The following MAK variants were observed in gnomAD, a reference collection of about 807,000 sequenced individuals.
MAK encodes the protein male germ cell associated kinase, also known as serine/threonine-protein kinase MAK.
MAK carries 65 observed loss-of-function variants against 82.6 expected under a neutral mutation model. The observed-to-expected ratio is 0.79, with a 90% CI of 0.64 to 0.97. The LOEUF (loss-of-function observed/expected upper bound fraction) is 0.97, where lower values mean the gene tolerates loss of function less well. Ranked by LOEUF, MAK falls within the 50% of genes least tolerant of loss-of-function variation. MAK has a pLI of 0.00. For missense variants in MAK, 703 were observed against 780.2 expected (o/e 0.90, Z 1.18); for synonymous variants, 250 against 274.2 (o/e 0.91, Z 0.87).
chr6:10,827,190 C>A (rs1431309463), intron 2 of MAK, among the ~76,000 whole-genome samples: 1 of 152,124 alleles, frequency 6.6e-6, no homozygotes, highest in Non-Finnish European at 1.5e-5. Flanking sequence ...AAATGATGGA[C>A]ATTTTGTCAT....
chr6:10,813,848 A>G (rs1477221257), intron 4 of MAK, 125 bp from the exon 5 acceptor site: 3 of 726,824 alleles, frequency 4.1e-6, no homozygotes, highest in Admixed American at 1.9e-5. Flanking sequence ...CCTATGATTT[A>G]TAGATTTATA....
intron 7 of MAK, among the ~76,000 whole-genome samples, chr6:10,802,759 T>A (rs867366898): frequency 6.6e-6 from 1 of 152,176 alleles, no homozygotes; most frequent in South Asian, 2.1e-4. Context: ...ACCCATTGCA[T>A]ACAATGTTAA....
chr6:10,767,883 G>A (rs1021229201), intron 14 of MAK, among the ~76,000 whole-genome samples: 2 of 152,058 alleles, frequency 1.3e-5, no homozygotes, highest in Non-Finnish European at 2.9e-5. Flanking sequence ...AAATAGTTGA[G>A]TAAATATGGT....
At chr6:10,770,321 A>C (rs1772887654) in intron 13 of MAK, 91 bp from the exon 14 acceptor site, 1 of 1,437,080 alleles carries the variant, frequency 7.0e-7, no homozygotes, top group South Asian at 1.2e-5. Flanking sequence ...ACTTCTAAAT[A>C]CTATTTTTCA....
rs778223936 is a variant in MAK at position 10,796,090 on chromosome 6, G to A, written c.1051C>T (p.Gln351Ter). The A allele has an allele frequency of 8.7e-6, 14 of 1,614,070 alleles. No individual in the cohort carries two copies. The highest frequency in any genetic ancestry group is 3.3e-4 in the Middle Eastern group (2 of 6,084). Reference protein sequence around the residue: ...QQPLQPIQPPQNLSVQQPPKQ... With the variant: ...QQPLQPIQPP ...GGAGGTTGCTGGACGCTCAGGTTCT[G>A]TGGCGGCTGAATGGGCTGCAGTGGC... is the stretch of plus-strand genomic sequence containing the variant. Residue 351 changes from glutamine (Q) to a stop codon, truncating the protein, a stop_gained, in exon 9 of 15, where the codon CAG (glutamine) becomes TAG (stop). Coordinates refer to ENST00000354489, the MANE Select transcript of MAK (RefSeq NM_001242957.3). LOFTEE classifies it high-confidence loss of function.
chr6:10,777,426 T>C (rs1482151204), intron 11 of MAK, among the ~76,000 whole-genome samples: 1 of 151,116 alleles, frequency 6.6e-6, no homozygotes, highest in South Asian at 2.1e-4. Context: ...AAAAAAAATG[T>C]ATTTACCCAA....
chr6:10,817,769 C>A (rs2127576486), intron 4 of MAK, 81 bp downstream of exon 4: 1 of 1,144,784 alleles, frequency 8.7e-7, no homozygotes, highest in Non-Finnish European at 1.2e-6. Context: ...ATCAATCTTT[C>A]TCTCATAAAG....
chr6:10,764,961 T>G (rs1772265186), intron 14 of MAK, among the ~76,000 whole-genome samples: 1 of 151,948 alleles, frequency 6.6e-6, no homozygotes, highest in Admixed American at 6.6e-5. Flanking sequence ...CTGAGCGTGG[T>G]GGCGGGTGAC....
chr6:10,799,086 A>C (rs2127552828), intron 8 of MAK, among the ~76,000 whole-genome samples: 1 of 152,140 alleles, frequency 6.6e-6, no homozygotes, highest in Non-Finnish European at 1.5e-5. Context: ...CTGCCTCGGA[A>C]AGTGCTGGGA....
At position 10,796,321 on chromosome 6, in the gene MAK, C is replaced by G; in HGVS notation, c.832-12G>C. On this transcript the variant is annotated splice_polypyrimidine_tract_variant and intron_variant, in intron 8 of 14. Transcript: ENST00000354489. ...GGGTGTTTCAATGCCTATAAAAACA[C>G]AGAGAAAACAACAAATGGAAAACAG... 4 of 1,604,632 alleles carry G rather than the reference C, an allele frequency of 2.5e-6. No individual in the cohort carries two copies. The highest frequency in any genetic ancestry group is 1.7e-5 in the Admixed American group (1 of 59,988).
chr6:10,779,127 C>CAGAA (rs1773724375), intron 11 of MAK, among the ~76,000 whole-genome samples: 1 of 20,004 alleles, frequency 5.0e-5, no homozygotes, highest in African/African-American at 1.6e-4. Context: ...CACTTCGTCT[C>CAGAA]AAAAAAAAAA....
At chr6:10,828,787 CCT>C (rs1410503841) in intron 2 of MAK, among the ~76,000 whole-genome samples, 1 of 151,716 alleles carries the variant, frequency 6.6e-6, no homozygotes, top group Admixed American at 6.6e-5. Context: ...AGAATGGAAC[CCT>C]GTCTTGAAAA....
chr6:10,818,958 A>C lies in MAK; in HGVS notation c.102-18T>G. 1 of 1,431,158 alleles carries C rather than the reference A, an allele frequency of 7.0e-7. No homozygotes were observed. The highest frequency in any genetic ancestry group is 9.8e-7 in the Non-Finnish European group (1 of 1,016,186). The allele number at this position is 1,431,158 out of a possible 1,614,324, so 88.7% of individuals were successfully genotyped here. ...TCTTCATCCTAAAATAAATTAGGGA[A>C]AGTTTAGTGTTCAGGGATTGAGGAT... On this transcript the variant is annotated intron_variant, in intron 2 of 14. Coordinates refer to ENST00000354489, the MANE Select transcript of MAK (RefSeq NM_001242957.3).
intron 10 of MAK, 96 bp downstream of exon 10, chr6:10,791,578 CT>C (rs1775087781): frequency 8.2e-7 from 1 of 1,213,596 alleles, no homozygotes; most frequent in East Asian, 2.5e-5. Context: ...GTTAAGCAAA[CT>C]TTTCTTCTTT....
chr6:10,809,881 TGA>T (rs1489611405), intron 5 of MAK, among the ~76,000 whole-genome samples: 1 of 151,646 alleles, frequency 6.6e-6, no homozygotes, highest in African/African-American at 2.4e-5. Context: ...AGGTGGATCA[TGA>T]GGTCAGGAGT....
intron 14 of MAK, among the ~76,000 whole-genome samples, chr6:10,764,818 C>T (rs1432340631): frequency 8.5e-5 from 13 of 152,074 alleles, no homozygotes; most frequent in African/African-American, 2.2e-4. Flanking sequence ...GCTGGCCGGG[C>T]GCAGTGGCTC....
rs1195653567 is a variant in MAK, at chr6:10,763,367, T to G, written c.*1085A>C. 1.3e-5 allele frequency: 2 copies of G among 152,152 alleles called. No individual in the cohort carries two copies. Among genetic ancestry groups the G allele is most frequent in the African/African-American group, 2.4e-5 (1 of 41,434 alleles). 9.4% of individuals were successfully genotyped at this position (152,152 alleles called of 1,614,324 possible). A position where few individuals can be genotyped will look rare whatever the true frequency, so the allele number is the denominator to read the frequency against. On this transcript the variant is annotated 3_prime_UTR_variant, in exon 15 of 15. Transcript: ENST00000354489. ...AACAAACACAGTTTCCAGAACTTTC[T>G]TAATGATGTCCAGCCAAGAGAACCT...
intron 13 of MAK, among the ~76,000 whole-genome samples, chr6:10,772,556 G>A (rs935400272): frequency 2.0e-5 from 3 of 151,934 alleles, no homozygotes; most frequent in African/African-American, 7.3e-5. Flanking sequence ...TGTTGGCCAG[G>A]ATGGTCTCTA....
At chr6:10,822,095 T>G (rs1411479430) in intron 2 of MAK, among the ~76,000 whole-genome samples, 3 of 128,750 alleles carry the variant, frequency 2.3e-5, no homozygotes, top group Non-Finnish European at 3.1e-5. Flanking sequence ...TGCAGTGAGC[T>G]GAGATCGCAC....
Sources: gnomAD v4.1 joint callset for allele counts (sites outside exome capture counted in the v4.1 genomes callset) on GRCh38, gnomAD v4.1.1 for gene constraint, MANE v1.5 for transcripts, NCBI Gene and HGNC (gene_info 2026-07-23, HGNC 2026-07-21) for gene names.